Variants in MYO5C observed in about 807,000 individuals in gnomAD.
MYO5C encodes the protein unconventional myosin-Vc.
In MYO5C, 194 loss-of-function variants were observed where a neutral mutation model predicts 235.7. The observed-to-expected ratio is 0.82, with a 90% CI of 0.73 to 0.93. MYO5C has a LOEUF of 0.93. Ranked by LOEUF, MYO5C falls within the 40% of genes least tolerant of loss-of-function variation. MYO5C has a pLI of 0.00. For missense variants in MYO5C, 2,038 were observed against 2,127.2 expected, an observed-to-expected ratio of 0.96 and a Z score of 0.82; for synonymous variants, 707 against 754.8, an observed-to-expected ratio of 0.94 and a Z score of 1.04.
At chr15:52,263,286 A>G (rs1386487810) in intron 9 of MYO5C, among the ~76,000 whole-genome samples, 3 of 152,150 alleles carry the variant, frequency 2.0e-5, no homozygotes, top group African/African-American at 4.8e-5. Context: ...TCTTCTTTAC[A>G]TGGACATTGA....
rs541506079 is a variant in MYO5C at position 52,192,598 on chromosome 15, A to T, written c.*1304T>A. ...GAATAGCACTGGATCCACAGGCCAG[A>T]GACTAGGAGTGCTTATCAAATGAGG... is the stretch of plus-strand genomic sequence containing the variant. On this transcript the variant is annotated 3_prime_UTR_variant, in exon 41 of 41. Coordinates refer to ENST00000261839, the MANE Select transcript of MYO5C (RefSeq NM_018728.4). The T allele has an allele frequency of 6.6e-6, 1 of 152,182 alleles. No individual in the cohort carries two copies. Among genetic ancestry groups the T allele is most frequent in the Non-Finnish European group, 1.5e-5 (1 of 68,050 alleles). The allele number at this position is 152,182 out of a possible 1,614,324, so 9.4% of individuals were successfully genotyped here.
chr15:52,292,252 T>C (rs2037409925), intron 1 of MYO5C, among the ~76,000 whole-genome samples: 1 of 152,164 alleles, frequency 6.6e-6, no homozygotes, highest in Non-Finnish European at 1.5e-5. Flanking sequence ...AAAATACAAA[T>C]AAGCAGGTGT....
Position 52,295,658 on chromosome 15 carries a change from G to A in MYO5C, c.-22C>T. ...CCATGGGCAGGAGGGGCCGGGGCCA[G>A]GCCGGGGCTGCCGAACGTGCGAGGC... On this transcript the variant is annotated 5_prime_UTR_variant, in exon 1 of 41. Coordinates refer to ENST00000261839, the MANE Select transcript of MYO5C (RefSeq NM_018728.4). 7.0e-7 allele frequency: 1 copy of A among 1,426,930 alleles called. No homozygotes were observed. The highest frequency in any genetic ancestry group is 3.1e-5 in the East Asian group (1 of 32,718). 88.4% of individuals were successfully genotyped at this position (1,426,930 alleles called of 1,614,324 possible).
chr15:52,283,336 T>TA (rs1266253165), intron 1 of MYO5C, among the ~76,000 whole-genome samples: 1 of 152,238 alleles, frequency 6.6e-6, no homozygotes, highest in Non-Finnish European at 1.5e-5. Context: ...GAGGTTAAAT[T>TA]AGACTTTGTA....
At chr15:52,226,667 G>A (rs1230705265) in intron 25 of MYO5C, among the ~76,000 whole-genome samples, 1 of 152,182 alleles carries the variant, frequency 6.6e-6, no homozygotes, top group Non-Finnish European at 1.5e-5. Flanking sequence ...ACATTTAACT[G>A]AAGGCTGACT....
chr15:52,216,934 C>A (rs2141280687), intron 32 of MYO5C, among the ~76,000 whole-genome samples: 1 of 152,276 alleles, frequency 6.6e-6, no homozygotes, highest in East Asian at 1.9e-4. Flanking sequence ...CCAAGGAATG[C>A]CTGGAGCCCT....
chr15:52,233,312 A>T (rs866386744), intron 23 of MYO5C, among the ~76,000 whole-genome samples: 3,497 of 144,892 alleles, frequency 0.024, 1,359 homozygotes, highest in South Asian at 0.17. Context: ...AAAAAAAAAA[A>T]AATAAATAAA....
chr15:52,265,154 C>T (rs754081422), intron 8 of MYO5C: 1 of 152,194 alleles, frequency 6.6e-6, no homozygotes, highest in African/African-American at 2.4e-5. Flanking sequence ...ACTTTGATTG[C>T]AGTAAGTAGA....
At chr15:52,221,334 T>A in intron 29 of MYO5C, 79 bp from the exon 30 acceptor site, 3 of 997,096 alleles carry the variant, frequency 3.0e-6, no homozygotes, top group South Asian at 1.7e-5. Flanking sequence ...CAAACTGAAC[T>A]ATCTTGGTGT....
intron 8 of MYO5C, among the ~76,000 whole-genome samples, chr15:52,267,881 G>GC (rs971158409): frequency 3.3e-5 from 5 of 152,136 alleles, no homozygotes; most frequent in Non-Finnish European, 7.4e-5. Flanking sequence ...ATATCCTTCA[G>GC]CCCAGCCAGA....
Position 52,219,812 on chromosome 15 carries a change from T to C in MYO5C, c.3732A>G (p.Glu1244=), listed in dbSNP as rs1210921861. Residue 1244 remains glutamate (E), a synonymous_variant, in exon 31 of 41, where the codon GAA becomes GAG. Transcript: ENST00000261839. ...TGCGATGTAACTGATTAGACAATTC[T>C]TCTAGTTTTCCTATAATGAGAAGAA... ...EQAEKMKGKL[E]ELSNQLHRSQ... is the part of the protein sequence containing the mutation. The C allele has an allele frequency of 1.4e-5, 23 of 1,611,408 alleles. No individual in the cohort carries two copies. Among genetic ancestry groups the C allele is most frequent in the Non-Finnish European group, 1.9e-5 (22 of 1,178,336 alleles).
intron 21 of MYO5C, 128 bp downstream of exon 21, chr15:52,239,605 G>T: frequency 1.1e-6 from 1 of 911,066 alleles, no homozygotes. Flanking sequence ...TCCTAGCTCA[G>T]GTGGTCCACG....
chr15:52,256,914 C>G (rs928499171), intron 10 of MYO5C, 194 bp from the exon 11 acceptor site: 11 of 524,634 alleles, frequency 2.1e-5, no homozygotes, highest in Non-Finnish European at 3.7e-5. Context: ...GGTTGTCCCC[C>G]GGAAGAAATC....
intron 34 of MYO5C, among the ~76,000 whole-genome samples, chr15:52,212,380 C>CA (rs1295791443): frequency 1.3e-5 from 2 of 151,808 alleles, no homozygotes; most frequent in Admixed American, 6.6e-5. Flanking sequence ...AGAAATCTTA[C>CA]AAAAAAAGTT....
intron 11 of MYO5C, among the ~76,000 whole-genome samples, chr15:52,254,856 T>A (rs1323694614): frequency 1.3e-5 from 2 of 151,812 alleles, no homozygotes; most frequent in Non-Finnish European, 2.9e-5. Context: ...CCACAGAGAG[T>A]TTGACTTCAG....
In MYO5C at chr15:52,223,718, C is replaced by T; in HGVS notation, c.3453G>A (p.Leu1151=). 1 of 1,613,480 alleles carries T rather than the reference C, an allele frequency of 6.2e-7. No homozygotes were observed. Residue 1151 remains leucine, a synonymous_variant, in exon 29 of 41, where the codon TTG becomes TTA. Coordinates refer to ENST00000261839, the MANE Select transcript of MYO5C (RefSeq NM_018728.4). ...CCTTCTGAGACTGGAAATGGCTCTC[C>T]AAAACACTATTAAAGGAGGGGTCAA... is the stretch of plus-strand genomic sequence containing the variant. ...YEGLKKATRV[L]ESHFQSQKDC...
At chr15:52,202,487 G>C (rs1185763286) in intron 38 of MYO5C, among the ~76,000 whole-genome samples, 1 of 152,144 alleles carries the variant, frequency 6.6e-6, no homozygotes, top group Non-Finnish European at 1.5e-5. Context: ...TCTAAGACCT[G>C]GAGTCATGTG....
intron 38 of MYO5C, among the ~76,000 whole-genome samples, chr15:52,198,204 G>A (rs935376883): frequency 5.3e-5 from 8 of 151,974 alleles, no homozygotes; most frequent in Non-Finnish European, 1.0e-4. Flanking sequence ...GTATGGTGGC[G>A]GACGCCTATA....
chr15:52,219,268 C>T (rs4774612), intron 31 of MYO5C, among the ~76,000 whole-genome samples: 19,662 of 152,266 alleles, frequency 0.13, 1,585 homozygotes, highest in Admixed American at 0.24. Context: ...TGCCAGGGCA[C>T]GAGGCCCTTT....
Sources: allele counts gnomAD v4.1 joint callset (sites outside exome capture counted in the v4.1 genomes callset), GRCh38; gene constraint gnomAD v4.1.1; transcripts MANE v1.5; gene names NCBI Gene and HGNC (gene_info 2026-07-23, HGNC 2026-07-21).